The following ANKDD1A variants were observed in gnomAD, a reference collection of about 807,000 sequenced individuals.
ANKDD1A encodes the protein ankyrin repeat and death domain containing 1A, also known as ankyrin repeat and death domain-containing protein 1A.
ANKDD1A carries 59 observed loss-of-function variants against 63.5 expected under a neutral mutation model. The observed-to-expected ratio is 0.93, with a 90% CI of 0.75 to 1.15. The LOEUF is 1.15. ANKDD1A is among the 50% of genes most tolerant of loss of function. The pLI is 0.00. For synonymous variants in ANKDD1A, 266 were observed against 263.9 expected, an observed-to-expected ratio of 1.01 and a Z score of -0.08; for missense variants, 632 against 656.4, an observed-to-expected ratio of 0.96 and a Z score of 0.41.
chr15:64,954,443 C>T (rs1201621092), intron 14 of ANKDD1A, among the ~76,000 whole-genome samples: 9 of 140,812 alleles, frequency 6.4e-5, no homozygotes, highest in Admixed American at 2.9e-4. Flanking sequence ...GTCGTCTTCT[C>T]CTTCTTCTTC....
At chr15:64,952,130 T>C (rs558177765) in intron 14 of ANKDD1A, among the ~76,000 whole-genome samples, 49 of 148,656 alleles carry the variant, frequency 3.3e-4, no homozygotes, top group Non-Finnish European at 6.4e-4. Flanking sequence ...TTCTCTTTCT[T>C]CTTCTTCCTT....
At chr15:64,924,410 G>C (rs1358787137) in intron 4 of ANKDD1A, among the ~76,000 whole-genome samples, 1 of 152,232 alleles carries the variant, frequency 6.6e-6, no homozygotes, top group Non-Finnish European at 1.5e-5. Context: ...CACCACCCTG[G>C]GGTGTGCTTC....
chr15:64,931,336 C>T, intron 7 of ANKDD1A, 151 bp from the exon 8 acceptor site: 1 of 687,468 alleles, frequency 1.5e-6, no homozygotes, highest in Non-Finnish European at 2.4e-6. Flanking sequence ...GAATCACAAA[C>T]AAGAAAGTTC....
chr15:64,922,083 C>T, intron 4 of ANKDD1A, 64 bp downstream of exon 4: 2 of 1,485,628 alleles, frequency 1.3e-6, no homozygotes, highest in South Asian at 1.2e-5. Flanking sequence ...ACAGGTCTCC[C>T]CCGACCTCTG....
chr15:64,934,237 A>G lies in ANKDD1A; in HGVS notation c.867+3A>G. The G allele has an allele frequency of 1.2e-6, 2 of 1,610,558 alleles. No homozygotes were observed. Among genetic ancestry groups the G allele is most frequent in the Non-Finnish European group, 1.7e-6 (2 of 1,178,206 alleles). The stretch of plus-strand genomic sequence containing the variant: ...GCTGCGCCAACGTGGTTGATCATGT[A>G]AGTATGGTGCGAGTGTTGAAGGGGG... On this transcript the variant is annotated splice_donor_region_variant and intron_variant, in intron 9 of 14. Transcript: ENST00000319580.
chr15:64,950,258 C>CT, intron 14 of ANKDD1A: 1 of 985,424 alleles, frequency 1.0e-6, no homozygotes, highest in African/African-American at 1.7e-5. Flanking sequence ...TACCAGCCCT[C>CT]TATACCTTGA....
intron 14 of ANKDD1A, among the ~76,000 whole-genome samples, chr15:64,952,546 TCC>T (rs2085311692): frequency 2.3e-5 from 3 of 130,868 alleles, no homozygotes; most frequent in Non-Finnish European, 3.3e-5. Context: ...CTCCTTCTCC[TCC>T]TCCTTCCTTC....
intron 8 of ANKDD1A, among the ~76,000 whole-genome samples, chr15:64,933,841 G>A (rs1412802902): frequency 5.9e-5 from 9 of 151,414 alleles, no homozygotes; most frequent in Middle Eastern, 3.4e-3. Context: ...ACTCTGTCTC[G>A]GGAAAAAAAA....
intron 14 of ANKDD1A, among the ~76,000 whole-genome samples, chr15:64,953,357 CTTCT>C (rs759454491): frequency 5.6e-5 from 8 of 142,234 alleles, no homozygotes; most frequent in Admixed American, 2.1e-4. Flanking sequence ...CTTCTTAGTT[CTTCT>C]TTCTTCTCCT....
intron 14 of ANKDD1A, among the ~76,000 whole-genome samples, chr15:64,952,368 CTTCTTCCTCTTTCCTT>C (rs1433268399): frequency 5.1e-5 from 5 of 98,332 alleles, no homozygotes; most frequent in Non-Finnish European, 7.8e-5. Context: ...CTTCTTCTTT[CTTCTTCCTCTTTCCTT>C]CTTTTCTTCT....
In ANKDD1A at chr15:64,957,713, A is replaced by G. The variant is rs1471487156; in HGVS notation, c.*525A>G. The G allele has an allele frequency of 6.6e-6, 1 of 152,248 alleles. No individual in the cohort carries two copies. The highest frequency in any genetic ancestry group is 2.4e-5 in the African/African-American group (1 of 41,446). The allele number at this position is 152,248 out of a possible 1,614,324, so 9.4% of individuals were successfully genotyped here. A position where few individuals can be genotyped will look rare whatever the true frequency, so the allele number is the denominator to read the frequency against. On this transcript the variant is annotated 3_prime_UTR_variant, in exon 15 of 15. Coordinates refer to ENST00000319580, the MANE Select transcript of ANKDD1A (RefSeq NM_182703.6). ...TACTTCCCAAAATAGTATTTCTCTC[A>G]GCAGATATTTCTTTGGTACTACCAT... is the stretch of plus-strand genomic sequence containing the variant.
At chr15:64,952,104 CTTT>C in intron 14 of ANKDD1A, among the ~76,000 whole-genome samples, 2 of 25,002 alleles carry the variant, frequency 8.0e-5, no homozygotes, top group South Asian at 1.6e-3. Flanking sequence ...CTTCTTCCTT[CTTT>C]TCTTCTTCTT....
intron 1 of ANKDD1A, 87 bp from the exon 2 acceptor site, chr15:64,915,710 T>C (rs940401748): frequency 2.4e-5 from 27 of 1,143,022 alleles, no homozygotes; most frequent in Non-Finnish European, 3.1e-5. Context: ...CCAGAAATGT[T>C]CAGGAGTGGA....
chr15:64,915,379 AGTAGGTG>A (rs1294224426), intron 1 of ANKDD1A, among the ~76,000 whole-genome samples: 2 of 152,182 alleles, frequency 1.3e-5, no homozygotes, highest in Admixed American at 1.3e-4. Context: ...GCTGGCACGC[AGTAGGTG>A]GCTCAGTAAA....
chr15:64,921,781 C>G (rs2085008159), intron 3 of ANKDD1A, 140 bp from the exon 4 acceptor site: 2 of 659,134 alleles, frequency 3.0e-6, no homozygotes, highest in Non-Finnish European at 5.2e-6. Flanking sequence ...TCTTTAAACT[C>G]CTAAAGCTTG....
chr15:64,953,442 T>TCC (rs2085339857), intron 14 of ANKDD1A, among the ~76,000 whole-genome samples: 1 of 104,858 alleles, frequency 9.5e-6, no homozygotes, highest in Non-Finnish European at 2.0e-5. Flanking sequence ...CCTCCTTCCT[T>TCC]TTCTTCTTTC....
chr15:64,953,013 C>T (rs1386696119), intron 14 of ANKDD1A, among the ~76,000 whole-genome samples: 1 of 116,800 alleles, frequency 8.6e-6, no homozygotes, highest in African/African-American at 3.2e-5. Flanking sequence ...TCTTTCTTCT[C>T]CTTGTTCTTC....
chr15:64,942,331 C>G (rs2085190543), intron 9 of ANKDD1A, 136 bp from the exon 10 acceptor site: 4 of 557,522 alleles, frequency 7.2e-6, no homozygotes, highest in Admixed American at 3.8e-5. Flanking sequence ...CCTAAGGCCA[C>G]CCATGTCATC....
At chr15:64,936,415 A>G (rs951598603) in intron 9 of ANKDD1A, among the ~76,000 whole-genome samples, 2 of 152,130 alleles carry the variant, frequency 1.3e-5, no homozygotes, top group African/African-American at 4.8e-5. Context: ...TTTCCTTTTC[A>G]TTTTAGCTGT....
Sources: allele counts gnomAD v4.1 joint callset (sites outside exome capture counted in the v4.1 genomes callset), GRCh38; gene constraint gnomAD v4.1.1; transcripts MANE v1.5; gene names NCBI Gene and HGNC (gene_info 2026-07-23, HGNC 2026-07-21).